The following CHRM2 variants were observed in gnomAD, a reference collection of about 807,000 sequenced individuals.
CHRM2 encodes the protein muscarinic acetylcholine receptor M2.
Under a neutral mutation model 25.0 loss-of-function variants are expected in CHRM2, and 8 were observed. The observed-to-expected ratio is 0.32, with a 90% CI of 0.19 to 0.58. CHRM2 has a LOEUF of 0.58. Among genes scored for constraint, CHRM2 ranks in the 20% least tolerant of loss-of-function variants. The pLI, the probability that CHRM2 is intolerant of heterozygous loss-of-function variation, is 0.88. For synonymous variants in CHRM2, 202 were observed against 205.7 expected (o/e 0.98, Z 0.15); for missense variants, 440 against 567.1 (o/e 0.78, Z 2.28).
At chr7:136,957,204 A>T (rs1249816112) in intron 2 of CHRM2, among the ~76,000 whole-genome samples, 3 of 152,208 alleles carry the variant, frequency 2.0e-5, no homozygotes, top group Non-Finnish European at 4.4e-5. Flanking sequence ...TGTTCAGTAC[A>T]TCTTTTGGGG....
At chr7:136,982,019 C>T (rs1802522379) in intron 2 of CHRM2, among the ~76,000 whole-genome samples, 1 of 151,932 alleles carries the variant, frequency 6.6e-6, no homozygotes, top group Non-Finnish European at 1.5e-5. Context: ...TTTTCTGTCT[C>T]ATTGATCTAA....
chr7:136,991,987 T>C (rs1167716592), intron 2 of CHRM2, among the ~76,000 whole-genome samples, 200 bp from the exon 3 acceptor site: 1 of 152,190 alleles, frequency 6.6e-6, no homozygotes, highest in Non-Finnish European at 1.5e-5. Context: ...CAGTCTTCCA[T>C]GTTCCTGGAG....
Position 137,016,369 on chromosome 7 carries a change from T to C in CHRM2, c.*103T>C. 8.2e-7 allele frequency: 1 copy of C among 1,222,568 alleles called. No homozygotes were observed. The highest frequency in any genetic ancestry group is 1.2e-6 in the Non-Finnish European group (1 of 843,756). 75.7% of individuals were successfully genotyped at this position (1,222,568 alleles called of 1,614,324 possible). A position where few individuals can be genotyped will look rare whatever the true frequency, so the allele number is the denominator to read the frequency against. ...AAATCTCTGCCATTGCACTTTATAGTCTGATTACAAAACGTGCAATTCAGG... is the reference window on the plus strand; with the variant it reads ...AAATCTCTGCCATTGCACTTTATAGCCTGATTACAAAACGTGCAATTCAGG... On this transcript the variant is annotated 3_prime_UTR_variant, in exon 4 of 4. Coordinates refer to ENST00000680005, the MANE Select transcript of CHRM2 (RefSeq NM_001006630.2).
At chr7:136,884,725 G>A (rs150367285) in intron 2 of CHRM2, among the ~76,000 whole-genome samples, 409 of 152,262 alleles carry the variant, frequency 2.7e-3, no homozygotes, top group Non-Finnish European at 4.3e-3. Context: ...TTTAAGAGGC[G>A]TTTGGAACTG....
At chr7:136,979,368 G>T (rs1802328289) in intron 2 of CHRM2, among the ~76,000 whole-genome samples, 1 of 152,166 alleles carries the variant, frequency 6.6e-6, no homozygotes, top group Non-Finnish European at 1.5e-5. Flanking sequence ...TGGATAGATT[G>T]CAAAATTTTT....
chr7:136,949,132 A>G (rs2130847532), intron 2 of CHRM2, among the ~76,000 whole-genome samples: 1 of 152,300 alleles, frequency 6.6e-6, no homozygotes, highest in Admixed American at 6.5e-5. Flanking sequence ...GGCTCATTGC[A>G]AAGAGGCCTG....
chr7:136,942,684 G>A (rs1358557049), intron 2 of CHRM2, among the ~76,000 whole-genome samples: 1 of 152,114 alleles, frequency 6.6e-6, no homozygotes, highest in Non-Finnish European at 1.5e-5. Context: ...CCCCAGGGCA[G>A]GCTGCTTCTC....
chr7:136,934,694 ATAAAT>A (rs1392158049), intron 2 of CHRM2, among the ~76,000 whole-genome samples: 2 of 152,158 alleles, frequency 1.3e-5, no homozygotes, highest in Admixed American at 1.3e-4. Flanking sequence ...TTGGAAAGGA[ATAAAT>A]TAAACTGTCA....
intron 2 of CHRM2, among the ~76,000 whole-genome samples, chr7:136,963,013 A>G (rs1393114318): frequency 2.0e-5 from 3 of 152,222 alleles, no homozygotes; most frequent in South Asian, 4.1e-4. Context: ...AAGTACTTAC[A>G]TTAGTTTTTA....
chr7:136,943,789 T>C (rs930082110), intron 2 of CHRM2, among the ~76,000 whole-genome samples: 14 of 152,122 alleles, frequency 9.2e-5, no homozygotes, highest in African/African-American at 3.4e-4. Context: ...AGCTCACTTA[T>C]GGAGGACACA....
At chr7:136,879,364 G>A (rs748733912) in intron 2 of CHRM2, among the ~76,000 whole-genome samples, 29 of 151,876 alleles carry the variant, frequency 1.9e-4, no homozygotes, top group Admixed American at 5.3e-4. Flanking sequence ...CTGCATTGCA[G>A]ATGCACAAAC....
intron 2 of CHRM2, among the ~76,000 whole-genome samples, chr7:136,874,364 T>C (rs953595708): frequency 3.9e-5 from 6 of 152,160 alleles, no homozygotes; most frequent in Admixed American, 1.3e-4. Context: ...TCTTTTTTTT[T>C]CTTCACATGT....
chr7:136,918,877 C>T (rs1798267761), intron 2 of CHRM2, among the ~76,000 whole-genome samples: 4 of 152,050 alleles, frequency 2.6e-5, no homozygotes, highest in Admixed American at 2.6e-4. Context: ...TCCTCTATGC[C>T]ATTGCATAAG....
chr7:136,911,610 T>C (rs1003013551), intron 2 of CHRM2, among the ~76,000 whole-genome samples: 2 of 151,930 alleles, frequency 1.3e-5, no homozygotes, highest in Admixed American at 1.3e-4. Flanking sequence ...TGACTGCACT[T>C]GGTGACGAGA....
At chr7:136,985,958 G>T (rs974557319) in intron 2 of CHRM2, among the ~76,000 whole-genome samples, 7 of 152,150 alleles carry the variant, frequency 4.6e-5, no homozygotes, top group Admixed American at 2.0e-4. Flanking sequence ...TTACTTAAAA[G>T]GTTAAAAACA....
At chr7:136,917,351 G>A (rs892198851) in intron 2 of CHRM2, among the ~76,000 whole-genome samples, 6 of 151,912 alleles carry the variant, frequency 3.9e-5, no homozygotes, top group African/African-American at 1.5e-4. Flanking sequence ...GTGGGGAAGT[G>A]ATGTGTGGAT....
intron 3 of CHRM2, among the ~76,000 whole-genome samples, chr7:137,007,677 G>A (rs143582835): frequency 6.6e-6 from 1 of 152,186 alleles, no homozygotes; most frequent in East Asian, 1.9e-4. Context: ...TAGCAGGGCT[G>A]GACTGTCTCC....
Position 136,954,704 on chromosome 7 carries a change from C to G in CHRM2, c.-124-37483C>G, listed in dbSNP as rs914989710. The stretch of plus-strand genomic sequence containing the variant: ...CACTGGATGTATTTTATTCTCCACT[C>G]TTTAACTGTGATTGGAGCCCAGGAA... On this transcript the variant is annotated intron_variant, in intron 2 of 3. Transcript: ENST00000680005. Among the ~76,000 whole-genome samples, 6 of 152,292 alleles carry G rather than the reference C, an allele frequency of 3.9e-5. No homozygotes were observed. In the South Asian group the frequency reaches 1.2e-3, roughly 32 times the overall value.
At chr7:136,946,756 A>T (rs1200831896) in intron 2 of CHRM2, among the ~76,000 whole-genome samples, 1 of 152,188 alleles carries the variant, frequency 6.6e-6, no homozygotes, top group Non-Finnish European at 1.5e-5. Context: ...ATCATAATTT[A>T]AAAATATTCA....
Sources: gnomAD v4.1 joint callset for allele counts (sites outside exome capture counted in the v4.1 genomes callset) on GRCh38, gnomAD v4.1.1 for gene constraint, MANE v1.5 for transcripts, NCBI Gene and HGNC (gene_info 2026-07-23, HGNC 2026-07-21) for gene names.